The following TMEM190 variants were observed in gnomAD, a reference collection of about 807,000 sequenced individuals.
TMEM190 encodes transmembrane protein 190.
TMEM190 carries 17 observed loss-of-function variants against 17.1 expected under a neutral mutation model. The observed-to-expected ratio is 0.99, with a 90% CI of 0.68 to 1.49. The LOEUF (loss-of-function observed/expected upper bound fraction) is 1.49, where lower values mean the gene tolerates loss of function less well. Ranked by LOEUF, TMEM190 falls within the 40% of genes most tolerant of loss-of-function variation. The probability of loss-of-function intolerance (pLI) is 0.00; values close to 1 mark genes in which losing one functional copy is unlikely to be tolerated. For synonymous variants in TMEM190, 101 were observed against 103.8 expected, an observed-to-expected ratio of 0.97 and a Z score of 0.16; for missense variants, 246 against 245.0, an observed-to-expected ratio of 1.00 and a Z score of -0.03.
rs551406252 is a variant in TMEM190, at chr19:55,377,842, G to A, written c.261G>A (p.Thr87=). 1.3e-5 allele frequency: 21 copies of A among 1,611,034 alleles called. No homozygotes were observed. Among genetic ancestry groups the A allele is most frequent in the South Asian group, 4.4e-5 (4 of 91,074 alleles). Residue 87 remains threonine (T), a synonymous_variant, in exon 4 of 5, where the codon ACG becomes ACA. Transcript: ENST00000291934. ...AGCACATGTGGGCGCTGGTCTGGAC[G>A]TGCAGCGGCCTCCTCCTCCTGAGCT... The part of the protein sequence containing the change: ...RRKHMWALVW[T]CSGLLLLSCS...
At position 55,377,807 on chromosome 19, in the gene TMEM190, G is replaced by C; in HGVS notation, c.226G>C (p.Val76Leu). ...VCYHQRPDENVRRKHMWALVW... is the reference protein window; with the variant it reads ...VCYHQRPDENLRRKHMWALVW... ...ACCCTGCCTCCCTTGTCCAGAAAAC[G>C]TGCGGAGGAAGCACATGTGGGCGCT... is the stretch of plus-strand genomic sequence containing the variant. Residue 76 changes from valine (V) to leucine (L), a missense_variant, in exon 4 of 5, where the codon GTG becomes CTG. By Grantham distance (32) the Val-to-Leu change is conservative. Coordinates refer to ENST00000291934, the MANE Select transcript of TMEM190 (RefSeq NM_139172.3). 1 of 1,612,366 alleles carries C rather than the reference G, an allele frequency of 6.2e-7. No homozygotes were observed. Among genetic ancestry groups the C allele is most frequent in the Non-Finnish European group, 8.5e-7 (1 of 1,179,804 alleles).
intron 2 of TMEM190, among the ~76,000 whole-genome samples, chr19:55,377,313 GGGGCTGGGCCT>G (rs2089859432): frequency 7.6e-6 from 1 of 132,370 alleles, no homozygotes; most frequent in Non-Finnish European, 1.6e-5. Context: ...TGAGGGAGGA[GGGGCTGGGCCT>G]GGACTCCTGG....
Position 55,376,867 on chromosome 19 carries a change from G to T in TMEM190, c.14G>T (p.Gly5Val), listed in dbSNP as rs768768677. Reference protein sequence around the residue: MLGCGIPALGLLLLL... With the variant: MLGCVIPALGLLLLL... ...TGGGGAGGTGACATGTTGGGCTGTG[G>T]GATCCCAGCGCTGGGCCTGCTCCTG... The change falls in exon 1 of 5, where the codon GGG (glycine) becomes GTG (valine). Residue 5 changes from glycine (G) to valine (V), a missense_variant. Gly to Val is a moderately radical substitution (Grantham distance 109, BLOSUM62 -3). Transcript: ENST00000291934. 2.3e-5 allele frequency: 36 copies of T among 1,577,596 alleles called. No individual in the cohort carries two copies. Among genetic ancestry groups the T allele is most frequent in the Non-Finnish European group, 3.1e-5 (36 of 1,161,766 alleles).
chr19:55,376,968 T>A, intron 1 of TMEM190, 23 bp from the exon 2 acceptor site: 3 of 1,552,386 alleles, frequency 1.9e-6, no homozygotes, highest in Non-Finnish European at 2.6e-6. Context: ...CACACAGCCC[T>A]AACACTGCCC....
chr19:55,376,936 G>A, intron 1 of TMEM190, 25 bp downstream of exon 1: 1 of 1,559,162 alleles, frequency 6.4e-7, no homozygotes, highest in Non-Finnish European at 8.7e-7. Context: ...AGGCGGGGGA[G>A]CTGAGGAGGG....
chr19:55,377,929 G>A (rs1284066443), intron 4 of TMEM190, 43 bp downstream of exon 4: 4 of 1,606,508 alleles, frequency 2.5e-6, no homozygotes. Flanking sequence ...ACCCCCAGGG[G>A]GAGGGTCCGG....
chr19:55,377,533 G>A, intron 2 of TMEM190, 60 bp from the exon 3 acceptor site: 3 of 1,559,006 alleles, frequency 1.9e-6, no homozygotes, highest in Non-Finnish European at 2.6e-6. Context: ...GGAATCTCGT[G>A]TATGAGGCCT....
intron 2 of TMEM190, 43 bp from the exon 3 acceptor site, chr19:55,377,550 C>T (rs200411009): frequency 2.4e-4 from 385 of 1,574,752 alleles, no homozygotes; most frequent in Admixed American, 4.0e-4. Context: ...GCCTTCGGAG[C>T]GGAGCGCTGT....
chr19:55,377,877 G>A lies in TMEM190; in HGVS notation c.296G>A (p.Cys99Tyr). 6.2e-7 allele frequency: 1 copy of A among 1,609,268 alleles called. No individual in the cohort carries two copies. The highest frequency in any genetic ancestry group is 1.1e-5 in the South Asian group (1 of 91,080). The change falls in exon 4 of 5, where the codon TGC (cysteine) becomes TAC (tyrosine). Residue 99 changes from cysteine to tyrosine, a missense_variant. Transcript: ENST00000291934. ...SGLLLLSCSI[C>Y]LFWWAKRRDV... ...CTCCTCCTCCTGAGCTGCAGCATCT[G>A]CTTGTTCTGGCGAGTGGGCCTGGGA...
At position 55,376,987 on chromosome 19, in the gene TMEM190, G is replaced by GCAGA. The variant is rs746213919; in HGVS notation, c.59-2_60dup. On this transcript the variant is annotated splice_region_variant and splice_polypyrimidine_tract_variant and intron_variant, in intron 1 of 4. Transcript: ENST00000291934. ...CAGCCCTAACACTGCCCTTTCTCTCGCAGACGGAAATGGAATCCAGGGATT... is the reference window on the plus strand; with the variant it reads ...CAGCCCTAACACTGCCCTTTCTCTCGCAGACAGACGGAAATGGAATCCAGGGATT... 8 of 1,551,570 alleles carry GCAGA rather than the reference G, an allele frequency of 5.2e-6. No individual in the cohort carries two copies. The East Asian group carries it at 2.0e-4, about 38-fold the overall frequency.
Position 55,378,185 on chromosome 19 carries a change from C to A in TMEM190, c.516C>A (p.Gly172=), listed in dbSNP as rs773649564. 5 of 1,550,616 alleles carry A rather than the reference C, an allele frequency of 3.2e-6. No individual in the cohort carries two copies. Among genetic ancestry groups the A allele is most frequent in the Non-Finnish European group, 4.4e-6 (5 of 1,145,844 alleles). Reference sequence around the variant, plus strand: ...CGGAGGAGGGTGAGGAGACAGAGGGCGAGGAAGAGGAGGATTAGGGGAGTC... The same window carrying A: ...CGGAGGAGGGTGAGGAGACAGAGGGAGAGGAAGAGGAGGATTAGGGGAGTC... ...EGTEEGEETE[G]EEEED The change falls in exon 5 of 5, where the codon GGC becomes GGA. Residue 172 remains glycine, a synonymous_variant. Coordinates refer to ENST00000291934, the MANE Select transcript of TMEM190 (RefSeq NM_139172.3).
In TMEM190 at chr19:55,376,858, T is replaced by C; in HGVS notation, c.5T>C (p.Leu2Ser). Residue 2 changes from leucine to serine, a missense_variant, in exon 1 of 5, where the codon TTG becomes TCG. Coordinates refer to ENST00000291934, the MANE Select transcript of TMEM190 (RefSeq NM_139172.3). Reference protein sequence around the residue: MLGCGIPALGLL... With the variant: MSGCGIPALGLL... ...CCAGGGGTCTGGGGAGGTGACATGT[T>C]GGGCTGTGGGATCCCAGCGCTGGGC... The C allele has an allele frequency of 1.3e-6, 2 of 1,572,260 alleles. No homozygotes were observed. The highest frequency in any genetic ancestry group is 2.4e-5 in the South Asian group (2 of 85,102).
chr19:55,377,641 C>T lies in TMEM190; in HGVS notation c.143C>T (p.Ala48Val). 1.9e-6 allele frequency: 3 copies of T among 1,613,278 alleles called. No individual in the cohort carries two copies. The highest frequency in any genetic ancestry group is 2.5e-6 in the Non-Finnish European group (3 of 1,179,580). Residue 48 changes from alanine (A) to valine (V), a missense_variant, in exon 3 of 5, where the codon GCC becomes GTC. Ala to Val is a moderately conservative substitution (Grantham distance 64). Transcript: ENST00000291934. Reference protein sequence around the residue: ...WDRESCGGQAAIDSPNLCLRL... With the variant: ...WDRESCGGQAVIDSPNLCLRL... ...CGGGAGAGCTGTGGGGGCCAGGCGG[C>T]CATCGATAGCCCCAACCTCTGCCTG...
rs751580933 is a variant in TMEM190, at chr19:55,378,218, G to T, written c.*15G>T. ...AGGAGGATTAGGGGAGTCCCCGGGG[G>T]ACTGCTCAATACAGATACGGTGGAC... On this transcript the variant is annotated 3_prime_UTR_variant, in exon 5 of 5. Coordinates refer to ENST00000291934, the MANE Select transcript of TMEM190 (RefSeq NM_139172.3). 3 of 1,526,700 alleles carry T rather than the reference G, an allele frequency of 2.0e-6. No homozygotes were observed. The South Asian group carries it at 3.8e-5, about 20-fold the overall frequency. The allele number at this position is 1,526,700 out of a possible 1,614,324, so 94.6% of individuals were successfully genotyped here. A position where few individuals can be genotyped will look rare whatever the true frequency, so the allele number is the denominator to read the frequency against.
chr19:55,377,725 G>T lies in TMEM190; in HGVS notation c.220+7G>T. ...TACCACCAGCGTCCAGACGGTGAGG[G>T]CTCCTGGCCCCAGGTCCCTGGGGCG... On this transcript the variant is annotated splice_region_variant and intron_variant, in intron 3 of 4. Transcript: ENST00000291934. 1 of 1,610,926 alleles carries T rather than the reference G, an allele frequency of 6.2e-7. No homozygotes were observed. The highest frequency in any genetic ancestry group is 8.5e-7 in the Non-Finnish European group (1 of 1,178,152).
chr19:55,378,191 AGAG>A lies in TMEM190; in HGVS notation c.528_530del (p.Glu176del), dbSNP rs1569036201. 2 of 1,548,204 alleles carry A rather than the reference AGAG, an allele frequency of 1.3e-6. No individual in the cohort carries two copies. Among genetic ancestry groups the A allele is most frequent in the Middle Eastern group, 1.8e-4 (1 of 5,676 alleles). On this transcript the variant is annotated inframe_deletion, in exon 5 of 5. Coordinates refer to ENST00000291934, the MANE Select transcript of TMEM190 (RefSeq NM_139172.3). ...AGGGTGAGGAGACAGAGGGCGAGGAAGAGGAGGATTAGGGGAGTCCCCGGGGGA... is the reference window on the plus strand; with the variant it reads ...AGGGTGAGGAGACAGAGGGCGAGGAAGAGGATTAGGGGAGTCCCCGGGGGA...
At position 55,378,107 on chromosome 19, in the gene TMEM190, C is replaced by A. The variant is rs776467972; in HGVS notation, c.438C>A (p.Val146=). 9 of 1,606,576 alleles carry A rather than the reference C, an allele frequency of 5.6e-6. No homozygotes were observed. In the East Asian group the frequency reaches 1.6e-4, roughly 28 times the overall value. Residue 146 remains valine, a synonymous_variant, in exon 5 of 5, where the codon GTC becomes GTA. Coordinates refer to ENST00000291934, the MANE Select transcript of TMEM190 (RefSeq NM_139172.3). The stretch of plus-strand genomic sequence containing the variant: ...CGCCGTCCACGGGCAGCGTGCCAGT[C>A]GCCCTGTCCAAAGAGTCCAGGGATG... ...KKTPSTGSVP[V]ALSKESRDVE...
chr19:55,377,971 G>C lies in TMEM190; in HGVS notation c.306-4G>C. On this transcript the variant is annotated splice_polypyrimidine_tract_variant and splice_region_variant and intron_variant, in intron 4 of 4. Transcript: ENST00000291934. ...GCGGGGGCTGAGCCGTCCGCTCCCT[G>C]CAGGTGGGCCAAGCGCCGGGACGTG... The C allele has an allele frequency of 6.2e-7, 1 of 1,610,728 alleles. No homozygotes were observed. The highest frequency in any genetic ancestry group is 8.5e-7 in the Non-Finnish European group (1 of 1,179,764).
At position 55,378,088 on chromosome 19, in the gene TMEM190, C is replaced by G. The variant is rs200141569; in HGVS notation, c.419C>G (p.Ser140Cys). 10 of 1,610,316 alleles carry G rather than the reference C, an allele frequency of 6.2e-6. No individual in the cohort carries two copies. The highest frequency in any genetic ancestry group is 8.5e-6 in the Non-Finnish European group (10 of 1,178,178). Residue 140 changes from serine to cysteine, a missense_variant, in exon 5 of 5, where the codon TCC becomes TGC. Physicochemically the swap from Ser to Cys is moderately radical, Grantham distance 112 (BLOSUM62 -1). Transcript: ENST00000291934. ...SKHRGTKKTP[S>C]TGSVPVALSK... ...CACCGAGGGACCAAGAAGACGCCGT[C>G]CACGGGCAGCGTGCCAGTCGCCCTG...
Sources: gnomAD v4.1 joint callset for allele counts (sites outside exome capture counted in the v4.1 genomes callset) on GRCh38, gnomAD v4.1.1 for gene constraint, MANE v1.5 for transcripts, NCBI Gene and HGNC (gene_info 2026-07-23, HGNC 2026-07-21) for gene names.